Variants in TENM2 observed in about 807,000 individuals in gnomAD.
TENM2 encodes the protein teneurin-2.
TENM2 carries 52 observed loss-of-function variants against 245.2 expected under a neutral mutation model. That is an observed-to-expected ratio of 0.21 (90% CI 0.17 to 0.27). The LOEUF (loss-of-function observed/expected upper bound fraction) is 0.27. TENM2 is among the 10% of genes least tolerant of loss of function. The pLI is 1.00. For synonymous variants in TENM2, 1,363 were observed against 1,438.9 expected, an observed-to-expected ratio of 0.95 and a Z score of 1.19; for missense variants, 3,046 against 3,666.8, an observed-to-expected ratio of 0.83 and a Z score of 4.37.
chr5:168,164,397 C>A (rs891933), intron 13 of TENM2, among the ~76,000 whole-genome samples: 8 of 129,156 alleles, frequency 6.2e-5, no homozygotes, highest in Admixed American at 8.0e-5. Flanking sequence ...TATCTTGTAT[C>A]GCTGACACTT....
chr5:167,319,410 C>A (rs943283333), intron 1 of TENM2, among the ~76,000 whole-genome samples: 2 of 152,100 alleles, frequency 1.3e-5, no homozygotes, highest in Non-Finnish European at 2.9e-5. Context: ...AGTTGTCTCG[C>A]ATTTAGAAGT....
chr5:167,221,432 T>C, the TENM2 span, among the ~76,000 whole-genome samples: 2 of 152,310 alleles, frequency 1.3e-5, no homozygotes, highest in South Asian at 2.1e-4. Context: ...ACAATACTCA[T>C]GTGCAAAAGC....
chr5:167,273,858 T>G, the TENM2 span, among the ~76,000 whole-genome samples: 10 of 152,166 alleles, frequency 6.6e-5, 1 homozygote, highest in African/African-American at 2.2e-4. Context: ...GGTATTTATT[T>G]TCATGATGGA....
chr5:167,227,598 C>G, the TENM2 span, among the ~76,000 whole-genome samples: 1 of 152,126 alleles, frequency 6.6e-6, no homozygotes, highest in African/African-American at 2.4e-5. Flanking sequence ...CTTTCCTGGT[C>G]TGTAAGGTTT....
chr5:167,620,797 G>A (rs1411381864), intron 2 of TENM2, among the ~76,000 whole-genome samples: 1 of 151,888 alleles, frequency 6.6e-6, no homozygotes, highest in East Asian at 1.9e-4. Context: ...CTCCTTTCAT[G>A]TCTCAGGTTA....
the TENM2 span, among the ~76,000 whole-genome samples, chr5:167,082,384 A>C: frequency 1.3e-5 from 2 of 152,058 alleles, no homozygotes; most frequent in Non-Finnish European, 2.9e-5. Flanking sequence ...CCCGGATTCA[A>C]GCAATTCTCC....
the TENM2 span, among the ~76,000 whole-genome samples, chr5:167,070,152 C>A: frequency 3.5e-5 from 3 of 84,866 alleles, no homozygotes; most frequent in African/African-American, 1.6e-4. Context: ...GAGTCTCACT[C>A]TGTCGCCCAG....
chr5:167,726,502 A>G (rs111272193), intron 2 of TENM2, among the ~76,000 whole-genome samples: 2,019 of 152,266 alleles, frequency 0.013, 44 homozygotes, highest in African/African-American at 0.046. Context: ...CTCTGTGGCC[A>G]GGCTAGAGTG....
At chr5:167,714,365 C>A (rs2150494672) in intron 2 of TENM2, among the ~76,000 whole-genome samples, 1 of 152,274 alleles carries the variant, frequency 6.6e-6, no homozygotes, top group Non-Finnish European at 1.5e-5. Flanking sequence ...CCCTATAGAT[C>A]TTATCTCTGC....
chr5:167,786,713 A>G (rs529151548), intron 2 of TENM2, among the ~76,000 whole-genome samples: 30 of 152,292 alleles, frequency 2.0e-4, no homozygotes, highest in African/African-American at 6.0e-4. Flanking sequence ...GCCAAAAGCA[A>G]TAATTACCAG....
intron 20 of TENM2, among the ~76,000 whole-genome samples, chr5:168,212,596 A>G (rs1044171023): frequency 1.3e-5 from 2 of 152,248 alleles, no homozygotes; most frequent in African/African-American, 4.8e-5. Flanking sequence ...AAAATTAGAC[A>G]AAAAGTAGAG....
In TENM2 at chr5:167,693,372, T is replaced by A. The variant is rs972084949; in HGVS notation, c.503-182614T>A. On this transcript the variant is annotated intron_variant, in intron 2 of 28. Coordinates refer to ENST00000518659, the Ensembl canonical transcript of TENM2. Reference sequence around the variant, plus strand: ...TCCTTCTCCAAATTTCATTTGACACTTGCTATATGAATAGTTAGGATTTAA... The same window carrying A: ...TCCTTCTCCAAATTTCATTTGACACATGCTATATGAATAGTTAGGATTTAA... 2.6e-5 allele frequency among the ~76,000 whole-genome samples: 4 copies of A among 152,222 alleles called. No homozygotes were observed. In the East Asian group the frequency reaches 7.7e-4, roughly 29 times the overall value.
the TENM2 span, among the ~76,000 whole-genome samples, chr5:167,176,116 T>G: frequency 1.8e-4 from 28 of 152,348 alleles, no homozygotes; most frequent in Non-Finnish European, 8.8e-5. Context: ...GCACTTCAAA[T>G]TAACAGCAAC....
chr5:167,006,270 C>A, the TENM2 span, among the ~76,000 whole-genome samples: 10 of 152,090 alleles, frequency 6.6e-5, no homozygotes, highest in African/African-American at 2.4e-4. Flanking sequence ...TCGATTTGGT[C>A]AGTTCAACAG....
chr5:168,259,625 C>T (rs1768006260), intron 27 of TENM2, among the ~76,000 whole-genome samples: 1 of 152,178 alleles, frequency 6.6e-6, no homozygotes, highest in Non-Finnish European at 1.5e-5. Context: ...GAAAGCCTCT[C>T]ATGGTCCAGA....
At chr5:167,073,554 C>A in the TENM2 span, among the ~76,000 whole-genome samples, 5 of 152,168 alleles carry the variant, frequency 3.3e-5, no homozygotes, top group African/African-American at 4.8e-5. Flanking sequence ...GTCTCTCCCC[C>A]TCCCAACCCA....
At chr5:167,202,741 ACT>A in the TENM2 span, among the ~76,000 whole-genome samples, 1 of 151,932 alleles carries the variant, frequency 6.6e-6, no homozygotes, top group Non-Finnish European at 1.5e-5. Flanking sequence ...TATAACGTGC[ACT>A]CTGAGTCACA....
chr5:168,001,945 G>A (rs1784443849), intron 5 of TENM2, among the ~76,000 whole-genome samples: 1 of 152,108 alleles, frequency 6.6e-6, no homozygotes, highest in Admixed American at 6.5e-5. Context: ...CAGCCTTCTG[G>A]CATTAATAAG....
At chr5:168,084,293 TGAATGG>T (rs1335351249) in intron 7 of TENM2, among the ~76,000 whole-genome samples, 1 of 152,224 alleles carries the variant, frequency 6.6e-6, no homozygotes, top group Non-Finnish European at 1.5e-5. Flanking sequence ...ATTACTGAGT[TGAATGG>T]TAGTTCTGTT....
Sources: allele counts gnomAD v4.1 joint callset (sites outside exome capture counted in the v4.1 genomes callset), GRCh38; gene constraint gnomAD v4.1.1; transcripts MANE v1.5; gene names NCBI Gene and HGNC (gene_info 2026-07-23, HGNC 2026-07-21).